SEPTIN7: variants seen among roughly 807,000 people sequenced by gnomAD.
SEPTIN7 encodes septin 7, also known as septin-7.
A neutral mutation model predicts 63.3 loss-of-function variants in SEPTIN7; 10 were observed. That is an observed-to-expected ratio of 0.16 (90% CI 0.10 to 0.27). SEPTIN7 has a LOEUF of 0.27. Ranked by LOEUF, SEPTIN7 falls within the 10% of genes least tolerant of loss-of-function variation. The pLI, the probability that SEPTIN7 is intolerant of heterozygous loss-of-function variation, is 1.00. For synonymous variants in SEPTIN7, 131 were observed against 165.3 expected (o/e 0.79, Z 1.59); for missense variants, 310 against 521.0 (o/e 0.59, Z 3.94).
At chr7:35,849,576 A>C (rs1270789142) in intron 3 of SEPTIN7, among the ~76,000 whole-genome samples, 1 of 152,220 alleles carries the variant, frequency 6.6e-6, no homozygotes, top group African/African-American at 2.4e-5. Context: ...TTCTTCACAG[A>C]TTAAATCTTT....
chr7:35,874,433 A>G (rs1467279764), intron 6 of SEPTIN7, among the ~76,000 whole-genome samples: 3 of 152,056 alleles, frequency 2.0e-5, no homozygotes, highest in African/African-American at 7.2e-5. Context: ...GAGTACATAT[A>G]TGTGTTATTG....
intron 1 of SEPTIN7, among the ~76,000 whole-genome samples, chr7:35,823,387 G>A (rs1396506480): frequency 6.6e-6 from 1 of 152,116 alleles, no homozygotes; most frequent in Non-Finnish European, 1.5e-5. Context: ...TTTTAGTAGA[G>A]ATGGGGTTTC....
Position 35,835,403 on chromosome 7 carries a change from G to A in SEPTIN7, c.169+2503G>A, listed in dbSNP as rs574846923. 5.3e-5 allele frequency among the ~76,000 whole-genome samples: 8 copies of A among 152,222 alleles called. No homozygotes were observed. The South Asian group carries it at 1.5e-3, about 28-fold the overall frequency. On this transcript the variant is annotated intron_variant, in intron 3 of 13. Coordinates refer to ENST00000350320, the MANE Select transcript of SEPTIN7 (RefSeq NM_001788.6). ...TTATGGGCATTATCTGCTAACTTAC[G>A]ATTCTTACAACAGCCCTATGAAGTA...
downstream of SEPTIN7, among the ~76,000 whole-genome samples, chr7:35,908,232 A>G (rs1788670677): frequency 6.6e-6 from 1 of 152,220 alleles, no homozygotes; most frequent in African/African-American, 2.4e-5. Context: ...GGTTCCCATA[A>G]TTTGGGATTC....
downstream of SEPTIN7, among the ~76,000 whole-genome samples, chr7:35,907,578 CAA>C (rs1788654232): frequency 6.6e-6 from 1 of 152,072 alleles, no homozygotes; most frequent in African/African-American, 2.4e-5. Context: ...ACTGGCAGAA[CAA>C]GAGTTTGAAC....
chr7:35,854,029 G>A (rs1785081270), intron 3 of SEPTIN7, among the ~76,000 whole-genome samples: 1 of 152,164 alleles, frequency 6.6e-6, no homozygotes, highest in South Asian at 2.1e-4. Flanking sequence ...ATACTCCAAA[G>A]TTTGAAACTT....
chr7:35,875,773 A>G (rs1786438177), intron 6 of SEPTIN7, among the ~76,000 whole-genome samples: 1 of 151,822 alleles, frequency 6.6e-6, no homozygotes, highest in Admixed American at 6.6e-5. Flanking sequence ...TTTCTCTTAT[A>G]CATACATACA....
intron 11 of SEPTIN7, among the ~76,000 whole-genome samples, chr7:35,896,406 G>A (rs569419229): frequency 1.1e-4 from 17 of 152,168 alleles, no homozygotes; most frequent in African/African-American, 4.1e-4. Context: ...GATTTTTGGG[G>A]TGTTAGGGGA....
intron 1 of SEPTIN7, among the ~76,000 whole-genome samples, chr7:35,803,301 G>A (rs1178798064): frequency 6.6e-6 from 1 of 152,150 alleles, no homozygotes; most frequent in Admixed American, 6.5e-5. Flanking sequence ...GTAAATCCAT[G>A]CCAGAACTTC....
At chr7:35,810,722 G>T (rs1392564363) in intron 1 of SEPTIN7, among the ~76,000 whole-genome samples, 1 of 151,632 alleles carries the variant, frequency 6.6e-6, no homozygotes, top group East Asian at 1.9e-4. Flanking sequence ...GTGACATTTT[G>T]TATCCTTATA....
At chr7:35,867,831 A>G (rs1170641089) in intron 4 of SEPTIN7, among the ~76,000 whole-genome samples, 1 of 150,942 alleles carries the variant, frequency 6.6e-6, no homozygotes, top group African/African-American at 2.4e-5. Flanking sequence ...GTTGGAAACT[A>G]CGCTGCTCCC....
chr7:35,874,990 G>T (rs1290563583), intron 6 of SEPTIN7, among the ~76,000 whole-genome samples: 1 of 152,120 alleles, frequency 6.6e-6, no homozygotes, highest in Non-Finnish European at 1.5e-5. Context: ...CTTTAAGCCA[G>T]CAGAGTGAAA....
At chr7:35,857,101 T>TG (rs560470244) in intron 3 of SEPTIN7, among the ~76,000 whole-genome samples, 32 of 152,084 alleles carry the variant, frequency 2.1e-4, no homozygotes, top group Middle Eastern at 3.4e-3. Context: ...TTAGAAATAT[T>TG]GGGGGGGCAA....
the SEPTIN7 span, among the ~76,000 whole-genome samples, chr7:35,913,211 G>C: frequency 2.6e-5 from 4 of 152,088 alleles, no homozygotes; most frequent in African/African-American, 9.7e-5. Context: ...TTTGCTCCTC[G>C]TATGCTGGGA....
At chr7:35,859,513 T>A (rs1354269489) in intron 3 of SEPTIN7, among the ~76,000 whole-genome samples, 1 of 152,248 alleles carries the variant, frequency 6.6e-6, no homozygotes, top group Non-Finnish European at 1.5e-5. Flanking sequence ...TCAGTTGATT[T>A]ACAGTTTTCT....
intron 5 of SEPTIN7, 96 bp downstream of exon 5, chr7:35,872,862 C>A: frequency 1.3e-6 from 1 of 784,238 alleles, no homozygotes; most frequent in Non-Finnish European, 2.1e-6. Flanking sequence ...CTCATCTTAG[C>A]AAAGGTCACC....
At chr7:35,801,403 G>C in intron 1 of SEPTIN7, 133 bp downstream of exon 1, 1 of 1,121,804 alleles carries the variant, frequency 8.9e-7, no homozygotes, top group Admixed American at 4.0e-5. Context: ...CCGGGATGGG[G>C]GCCACTGCGG....
chr7:35,815,933 A>G (rs1405588959), intron 1 of SEPTIN7, among the ~76,000 whole-genome samples: 2 of 151,834 alleles, frequency 1.3e-5, no homozygotes, highest in African/African-American at 4.8e-5. Context: ...TTTCCCACAC[A>G]TCGATAGAGG....
chr7:35,904,323 A>G lies in SEPTIN7; in HGVS notation c.*30A>G, dbSNP rs756718386. ...TCTATTGACCACCAGTTAACGTATT[A>G]GTTGCCAATATGCCAGCTTGGACAT... On this transcript the variant is annotated 3_prime_UTR_variant, in exon 14 of 14. Coordinates refer to ENST00000350320, the MANE Select transcript of SEPTIN7 (RefSeq NM_001788.6). 31 of 1,525,626 alleles carry G rather than the reference A, an allele frequency of 2.0e-5. No homozygotes were observed. Among genetic ancestry groups the G allele is most frequent in the Admixed American group, 2.1e-5 (1 of 48,390 alleles). 94.5% of individuals were successfully genotyped at this position (1,525,626 alleles called of 1,614,324 possible).
Sources: gnomAD v4.1 joint callset for allele counts (sites outside exome capture counted in the v4.1 genomes callset) on GRCh38, gnomAD v4.1.1 for gene constraint, MANE v1.5 for transcripts, NCBI Gene and HGNC (gene_info 2026-07-23, HGNC 2026-07-21) for gene names.